The following COL4A6 variants were observed in gnomAD, a reference collection of about 807,000 sequenced individuals.
The protein encoded by COL4A6 is collagen alpha-6(IV) chain.
COL4A6 carries 59 observed loss-of-function variants against 126.7 expected under a neutral mutation model. The ratio of observed to expected loss-of-function variants is 0.47; its 90% CI spans 0.38 to 0.58. The LOEUF (loss-of-function observed/expected upper bound fraction) is 0.58, where lower values mean the gene tolerates loss of function less well. Ranked by LOEUF, COL4A6 falls within the 20% of genes least tolerant of loss-of-function variation. COL4A6 has a pLI of 0.00. For synonymous variants in COL4A6, 547 were observed against 496.6 expected, an observed-to-expected ratio of 1.10 and a Z score of -1.35; for missense variants, 1,285 against 1,337.3, an observed-to-expected ratio of 0.96 and a Z score of 0.61.
At chrX:108,187,803 G>C (rs772643483) in intron 22 of COL4A6, 45 bp downstream of exon 22, 1 of 1,119,432 alleles carries the variant, frequency 8.9e-7, no homozygotes, top group East Asian at 3.0e-5. Flanking sequence ...ACAAAGTCAG[G>C]TGTGAAGATC....
chrX:108,358,202 G>T (rs1447703907), intron 2 of COL4A6, among the ~76,000 whole-genome samples: 2 of 110,964 alleles, frequency 1.8e-5, no homozygotes, highest in Non-Finnish European at 3.8e-5. Context: ...TTATTTGACA[G>T]CATGGACAGT....
At chrX:108,346,434 T>TA (rs1162818496) in intron 2 of COL4A6, among the ~76,000 whole-genome samples, 1 of 111,788 alleles carries the variant, frequency 8.9e-6, no homozygotes, top group Non-Finnish European at 1.9e-5. Flanking sequence ...TCTCTTTTGT[T>TA]ACATTGTTTT....
Position 108,315,428 on chromosome X carries a change from T to TG in COL4A6, c.64-4601dup, listed in dbSNP as rs753996200. On this transcript the variant is annotated intron_variant, in intron 2 of 44. Coordinates refer to ENST00000334504, the MANE Select transcript of COL4A6 (RefSeq NM_033641.4). Reference sequence around the variant, plus strand: ...CTAATTTTTGTATTTTTAGTAGAGATGGGGTTTTGCCATGTTGGCCATGCT... The same window carrying TG: ...CTAATTTTTGTATTTTTAGTAGAGATGGGGGTTTTGCCATGTTGGCCATGCT... Among the ~76,000 whole-genome samples the TG allele has an allele frequency of 2.7e-5, 3 of 111,702 alleles. No individual in the cohort carries two copies. The East Asian group carries it at 8.5e-4, about 32-fold the overall frequency.
intron 2 of COL4A6, among the ~76,000 whole-genome samples, chrX:108,425,226 A>C (rs1367255013): frequency 9.4e-6 from 1 of 106,644 alleles, no homozygotes; most frequent in African/African-American, 3.4e-5. Flanking sequence ...ACAGAGAGAC[A>C]GAGAGACAGA....
chrX:108,285,615 G>T (rs770168211), intron 3 of COL4A6, among the ~76,000 whole-genome samples: 2 of 111,322 alleles, frequency 1.8e-5, no homozygotes, highest in African/African-American at 6.5e-5. Flanking sequence ...TGCTCTGCAG[G>T]AACACTCAGT....
rs761681684 is a variant in COL4A6, at chrX:108,202,929, G to A, written c.833C>T (p.Pro278Leu). Residue 278 changes from proline (P) to leucine (L), a missense_variant and splice_region_variant, in exon 13 of 45, where the codon CCG becomes CTG. By Grantham distance (98) the Pro-to-Leu change is moderately conservative. Transcript: ENST00000334504. Reference sequence around the variant, plus strand: ...TATTGATCAAATAGAGAGACTTACCGGGAAGCCTGGAGGGCCACTTATGCC... The same window carrying A: ...TATTGATCAAATAGAGAGACTTACCAGGAAGCCTGGAGGGCCACTTATGCC... ...FPGISGPPGF[P>L]GLGTTGEKGE... 46 of 1,206,232 alleles carry A rather than the reference G, an allele frequency of 3.8e-5. No individual in the cohort carries two copies. The Admixed American group carries it at 8.3e-4, about 22-fold the overall frequency.
At position 108,171,407 on chromosome X, in the gene COL4A6, G is replaced by T. The variant is rs749046071; in HGVS notation, c.3257C>A (p.Pro1086His). The change falls in exon 33 of 45, where the codon CCT becomes CAT. Residue 1086 changes from proline (P) to histidine (H), a missense_variant. Pro to His is a moderately conservative substitution (Grantham distance 77). Transcript: ENST00000334504. ...CTTACCTTTAAAACCAGATTCGCCA[G>T]GCTGTCCCTTGGGTCCTGGGCTACC... ...ISGSPGPKGQ[P>H]GESGFKGTKG... is the part of the protein sequence containing the mutation. 2.5e-6 allele frequency: 3 copies of T among 1,209,199 alleles called. No homozygotes were observed. The highest frequency in any genetic ancestry group is 5.9e-5 in the East Asian group (2 of 33,776).
chrX:108,183,624 G>A, intron 23 of COL4A6: 5 of 548,419 alleles, frequency 9.1e-6, no homozygotes, highest in African/African-American at 2.4e-5. Flanking sequence ...CCAGTGTGGT[G>A]CTCAGGCCAT....
intron 36 of COL4A6, among the ~76,000 whole-genome samples, 159 bp downstream of exon 36, chrX:108,169,786 C>T (rs1327877904): frequency 1.8e-5 from 2 of 112,562 alleles, no homozygotes; most frequent in Non-Finnish European, 3.8e-5. Context: ...AACCCATCCT[C>T]TTTCTTCTCC....
At chrX:108,164,371 G>A (rs1361831297) in intron 40 of COL4A6, among the ~76,000 whole-genome samples, 1 of 111,903 alleles carries the variant, frequency 8.9e-6, no homozygotes, top group African/African-American at 3.3e-5. Flanking sequence ...CAGAGAGGCA[G>A]TCAGTAGCAG....
At position 108,164,985 on chromosome X, in the gene COL4A6, C is replaced by T; in HGVS notation, c.3862G>A (p.Gly1288Ser). The change falls in exon 39 of 45, where the codon GGC (glycine) becomes AGC (serine). Residue 1288 changes from glycine to serine, a missense_variant. Transcript: ENST00000334504. ...GGGAAGCCAGGGTCTCCGGTGTCGC[C>T]TTGATTCGAGGATGGCCCAGGGGGA... ...PGPPGPSSNQGDTGDPGFPGI... is the reference protein window; with the variant it reads ...PGPPGPSSNQSDTGDPGFPGI... 8.3e-7 allele frequency: 1 copy of T among 1,211,191 alleles called. No homozygotes were observed. Among genetic ancestry groups the T allele is most frequent in the Non-Finnish European group, 1.1e-6 (1 of 895,327 alleles).
intron 3 of COL4A6, among the ~76,000 whole-genome samples, chrX:108,227,714 G>A (rs759611679): frequency 2.1e-4 from 24 of 111,722 alleles, no homozygotes; most frequent in Non-Finnish European, 3.0e-4. Flanking sequence ...AGCAGGCTTC[G>A]GAGAGAATAG....
chrX:108,235,796 A>G (rs1005761501), intron 3 of COL4A6, among the ~76,000 whole-genome samples: 1 of 111,561 alleles, frequency 9.0e-6, no homozygotes, highest in Non-Finnish European at 1.9e-5. Context: ...AAGCAGAGCT[A>G]GGGATAAATC....
At chrX:108,190,713 G>A (rs893988779) in intron 19 of COL4A6, among the ~76,000 whole-genome samples, 2 of 111,841 alleles carry the variant, frequency 1.8e-5, no homozygotes, top group African/African-American at 6.5e-5. Context: ...TTTACAGAAT[G>A]TCCATTATGT....
At chrX:108,381,099 A>G (rs1429225906) in intron 2 of COL4A6, among the ~76,000 whole-genome samples, 1 of 112,017 alleles carries the variant, frequency 8.9e-6, no homozygotes, top group Non-Finnish European at 1.9e-5. Context: ...TGTGCCCTCA[A>G]CCATGACTGT....
chrX:108,432,195 T>G (rs1431452942), intron 2 of COL4A6, among the ~76,000 whole-genome samples: 1 of 112,190 alleles, frequency 8.9e-6, no homozygotes, highest in Admixed American at 9.4e-5. Context: ...ACATTTTCCT[T>G]TTGACCTATT....
intron 2 of COL4A6, among the ~76,000 whole-genome samples, chrX:108,427,179 A>G (rs1014642480): frequency 2.7e-5 from 3 of 111,806 alleles, no homozygotes; most frequent in African/African-American, 9.8e-5. Context: ...GGAGCAAGTA[A>G]GAGTGCAGAG....
intron 2 of COL4A6, among the ~76,000 whole-genome samples, chrX:108,343,163 ATAGTGTGTGT>A (rs1287369156): frequency 9.2e-5 from 3 of 32,483 alleles, no homozygotes; most frequent in African/African-American, 1.8e-4. Flanking sequence ...ATATATATAT[ATAGTGTGTGT>A]GTGTGTGTGT....
chrX:108,191,536 G>A lies in COL4A6; in HGVS notation c.1181-3C>T, dbSNP rs1236343309. 5 of 1,205,074 alleles carry A rather than the reference G, an allele frequency of 4.1e-6. No homozygotes were observed. Among genetic ancestry groups the A allele is most frequent in the Non-Finnish European group, 4.5e-6 (4 of 893,093 alleles). On this transcript the variant is annotated splice_polypyrimidine_tract_variant and splice_region_variant and intron_variant, in intron 18 of 44. Transcript: ENST00000334504. ...AGGCCCTAGGGCTCCTGGGACACCT[G>A]GAAGAATAAGCCCACACACAAATGC...
Sources: gnomAD v4.1 joint callset for allele counts (sites outside exome capture counted in the v4.1 genomes callset) on GRCh38, gnomAD v4.1.1 for gene constraint, MANE v1.5 for transcripts, NCBI Gene and HGNC (gene_info 2026-07-23, HGNC 2026-07-21) for gene names.